Variants in SERPINB4 observed in about 807,000 individuals in gnomAD.
SERPINB4 encodes serpin family B member 4.
Under a neutral mutation model 33.2 loss-of-function variants are expected in SERPINB4, and 39 were observed. The ratio of observed to expected loss-of-function variants is 1.18; its 90% CI spans 0.91 to 1.53. SERPINB4 has a LOEUF of 1.53. Ranked by LOEUF, SERPINB4 falls within the 40% of genes most tolerant of loss-of-function variation. The pLI is 0.00. For synonymous variants in SERPINB4, 191 were observed against 166.4 expected (o/e 1.15, Z -1.14); for missense variants, 564 against 455.4 (o/e 1.24, Z -2.17).
At chr18:63,638,562 C>T (rs1233002729) in intron 7 of SERPINB4, among the ~76,000 whole-genome samples, 3 of 151,698 alleles carry the variant, frequency 2.0e-5, no homozygotes, top group African/African-American at 7.3e-5. Context: ...AATTGTAATT[C>T]CCTAAATTCC....
chr18:63,639,469 T>C, intron 6 of SERPINB4, 129 bp from the exon 7 acceptor site: 34 of 1,094,944 alleles, frequency 3.1e-5, no homozygotes, highest in Non-Finnish European at 4.1e-5. Flanking sequence ...TTAGAAACAA[T>C]AGTTTTTCAG....
At chr18:63,639,594 A>G (rs368097477) in intron 6 of SERPINB4, 40 bp downstream of exon 6, 32 of 1,302,968 alleles carry the variant, frequency 2.5e-5, no homozygotes, top group Non-Finnish European at 2.7e-5. Context: ...CATTCCATGT[A>G]TTAACATATT....
rs1324988685 is a variant in SERPINB4 at position 63,641,788 on chromosome 18, A to G, written c.323T>C (p.Phe108Ser). ...TAAAAATTGATACGTCTTTTCTCCG[A>G]AGAGCTTGTTGGCGATCTTCAGCTC... ...AYELKIANKL[F>S]GEKTYQFLQE... The change falls in exon 4 of 8, where the codon TTC becomes TCC. Residue 108 changes from phenylalanine (F) to serine (S), a missense_variant. Phe to Ser is a radical substitution (Grantham distance 155, BLOSUM62 -2). Coordinates refer to ENST00000341074, the MANE Select transcript of SERPINB4 (RefSeq NM_002974.4). The G allele has an allele frequency of 1.2e-6, 2 of 1,613,310 alleles. No homozygotes were observed. The highest frequency in any genetic ancestry group is 2.7e-5 in the African/African-American group (2 of 74,870).
rs1913063818 is a variant in SERPINB4, at chr18:63,639,739, GC to G, written c.506del (p.Gly169AlafsTer9). ...TCACAAGAACCAGTGTCGTATCATT[GC>G]CAATAGTCCCATCAGGAAATAGGTT... ...IKNLFPDGTI[G>X]NDTTLVLVNA... is the part of the protein sequence containing the mutation. On this transcript the variant is annotated frameshift_variant, in exon 6 of 8. Coordinates refer to ENST00000341074, the MANE Select transcript of SERPINB4 (RefSeq NM_002974.4). LOFTEE classifies it high-confidence loss of function. 1 of 1,611,412 alleles carries G rather than the reference GC, an allele frequency of 6.2e-7. No individual in the cohort carries two copies. Among genetic ancestry groups the G allele is most frequent in the African/African-American group, 1.3e-5 (1 of 74,770 alleles).
Position 63,642,991 on chromosome 18 carries a change from T to G in SERPINB4, c.222+170A>C, listed in dbSNP as rs139588541. On this transcript the variant is annotated intron_variant, in intron 3 of 7. Coordinates refer to ENST00000341074, the MANE Select transcript of SERPINB4 (RefSeq NM_002974.4). ...TGACTGTCTTTTAGTAACGCAGAAA[T>G]GAGGAATAATAATTATGTGCCATGA... The G allele has an allele frequency of 1.5e-3, 1,135 of 738,520 alleles. 8 individuals carry two copies. Among genetic ancestry groups the G allele is most frequent in the African/African-American group, 0.014 (791 of 56,354 alleles). 45.7% of individuals were successfully genotyped at this position (738,520 alleles called of 1,614,324 possible). A position where few individuals can be genotyped will look rare whatever the true frequency, so the allele number is the denominator to read the frequency against.
At chr18:63,638,289 A>G (rs901586459) in intron 7 of SERPINB4, among the ~76,000 whole-genome samples, 166 bp from the exon 8 acceptor site, 1 of 152,090 alleles carries the variant, frequency 6.6e-6, no homozygotes, top group African/African-American at 2.4e-5. Flanking sequence ...ATGAGTCCTG[A>G]ATATATAAAT....
chr18:63,639,319 T>C lies in SERPINB4; in HGVS notation c.634A>G (p.Met212Val), dbSNP rs1475674663. Residue 212 changes from methionine to valine, a missense_variant, in exon 7 of 8, where the codon ATG becomes GTG. Coordinates refer to ENST00000341074, the MANE Select transcript of SERPINB4 (RefSeq NM_002974.4). ...PNKNTYKSVQ[M>V]MRQYNSFNFA... ...TTAAAGGAATTGTATTGCCTCATCATCTGTACAGATTTGTATGTATTCTGC... is the reference window on the plus strand; with the variant it reads ...TTAAAGGAATTGTATTGCCTCATCACCTGTACAGATTTGTATGTATTCTGC... 1.9e-6 allele frequency: 3 copies of C among 1,611,588 alleles called. No homozygotes were observed. The highest frequency in any genetic ancestry group is 1.3e-5 in the African/African-American group (1 of 74,832).
At chr18:63,641,055 T>A (rs1913113874) in intron 4 of SERPINB4, 64 bp from the exon 5 acceptor site, 1 of 1,373,060 alleles carries the variant, frequency 7.3e-7, no homozygotes, top group Non-Finnish European at 1.0e-6. Flanking sequence ...ATTACCAAAC[T>A]TACTTATTTG....
intron 2 of SERPINB4, 54 bp downstream of exon 2, chr18:63,643,359 C>G: frequency 6.2e-7 from 1 of 1,611,250 alleles, no homozygotes; most frequent in Non-Finnish European, 8.5e-7. Flanking sequence ...GCGTGCTAGC[C>G]GACGGAACCA....
Position 63,637,620 on chromosome 18 carries a change from A to G in SERPINB4, c.*99T>C. On this transcript the variant is annotated 3_prime_UTR_variant, in exon 8 of 8. Coordinates refer to ENST00000341074, the MANE Select transcript of SERPINB4 (RefSeq NM_002974.4). ...CTATCATCATCAAGATGAGATAGAA[A>G]AGAAATATGAGCCAAGAGAATCTGT... is the stretch of plus-strand genomic sequence containing the variant. 7.9e-7 allele frequency: 1 copy of G among 1,262,014 alleles called. No homozygotes were observed. Among genetic ancestry groups the G allele is most frequent in the Non-Finnish European group, 1.1e-6 (1 of 913,246 alleles). The allele number at this position is 1,262,014 out of a possible 1,614,324, so 78.2% of individuals were successfully genotyped here. A position where few individuals can be genotyped will look rare whatever the true frequency, so the allele number is the denominator to read the frequency against.
At chr18:63,640,757 C>G in intron 5 of SERPINB4, 117 bp downstream of exon 5, 1 of 813,662 alleles carries the variant, frequency 1.2e-6, no homozygotes. Flanking sequence ...GTGCCCTCTT[C>G]AGCCCTCCCT....
chr18:63,637,866 T>G lies in SERPINB4; in HGVS notation c.1026A>C (p.Glu342Asp). The G allele has an allele frequency of 6.2e-7, 1 of 1,613,550 alleles. No homozygotes were observed. Among genetic ancestry groups the G allele is most frequent in the Non-Finnish European group, 8.5e-7 (1 of 1,179,724 alleles). The change falls in exon 8 of 8, where the codon GAA becomes GAC. Residue 342 changes from glutamate (E) to aspartate (D), a missense_variant. Physicochemically the swap from Glu to Asp is conservative, Grantham distance 45. Transcript: ENST00000341074. ...AFVEVTEEGV[E>D]AAAATAVVVV... ...CTACTACAGCGGTGGCAGCTGCAGC[T>G]TCCACTCCCTCCTCAGTGACCTCCA...
At chr18:63,638,812 G>C (rs1181138721) in intron 7 of SERPINB4, among the ~76,000 whole-genome samples, 7 of 112,104 alleles carry the variant, frequency 6.2e-5, no homozygotes, top group Non-Finnish European at 1.2e-4. Flanking sequence ...GGACTGTTGT[G>C]GGGTGGGGGG....
At chr18:63,639,052 A>C (rs1913034802) in intron 7 of SERPINB4, 133 bp downstream of exon 7, 1 of 1,016,276 alleles carries the variant, frequency 9.8e-7, no homozygotes, top group Admixed American at 2.6e-5. Context: ...TATGAAGGTG[A>C]GTCATCATTC....
rs1913043050 is a variant in SERPINB4 at position 63,639,271 on chromosome 18, G to T, written c.682C>A (p.Gln228Lys). The T allele has an allele frequency of 6.2e-7, 1 of 1,612,464 alleles. No homozygotes were observed. Among genetic ancestry groups the T allele is most frequent in the Non-Finnish European group, 8.5e-7 (1 of 1,179,098 alleles). Reference protein sequence around the residue: ...SFNFALLEDVQAKVLEIPYKG... With the variant: ...SFNFALLEDVKAKVLEIPYKG... ...TATGGTATTTCCAGGACCTTGGCCT[G>T]TACATCCTCCAGCAAGGCAAAATTA... The change falls in exon 7 of 8, where the codon CAG becomes AAG. Residue 228 changes from glutamine (Q) to lysine (K), a missense_variant. Physicochemically the swap from Gln to Lys is moderately conservative, Grantham distance 53. Transcript: ENST00000341074.
chr18:63,637,904 G>T lies in SERPINB4; in HGVS notation c.988C>A (p.His330Asn). The change falls in exon 8 of 8, where the codon CAC (histidine) becomes AAC (asparagine). Residue 330 changes from histidine to asparagine, a missense_variant. By Grantham distance (68) the His-to-Asn change is moderately conservative. Transcript: ENST00000341074. ...SHGLSVSKVLHKAFVEVTEEG... is the reference protein window; with the variant it reads ...SHGLSVSKVLNKAFVEVTEEG... ...TCAGTGACCTCCACAAAGGCCTTGT[G>T]TAGGACTTTAGATACTGAGAGACCG... The T allele has an allele frequency of 6.2e-7, 1 of 1,613,586 alleles. No homozygotes were observed. The highest frequency in any genetic ancestry group is 8.5e-7 in the Non-Finnish European group (1 of 1,179,728).
rs1308090072 is a variant in SERPINB4 at position 63,643,563 on chromosome 18, A to G, written c.15T>C (p.Ser5=). 5.0e-6 allele frequency: 8 copies of G among 1,613,542 alleles called. No homozygotes were observed. Among genetic ancestry groups the G allele is most frequent in the Non-Finnish European group, 5.9e-6 (7 of 1,179,612 alleles). MNSL[S]EANTKFMFDL... Reference sequence around the variant, plus strand: ...CGAACATGAACTTGGTGTTGGCTTCACTGAGTGAATTCATGGTGAACTCGA... The same window carrying G: ...CGAACATGAACTTGGTGTTGGCTTCGCTGAGTGAATTCATGGTGAACTCGA... The change falls in exon 2 of 8, where the codon AGT becomes AGC. Residue 5 remains serine, a synonymous_variant. Coordinates refer to ENST00000341074, the MANE Select transcript of SERPINB4 (RefSeq NM_002974.4).
chr18:63,641,852 T>G lies in SERPINB4; in HGVS notation c.259A>C (p.Lys87Gln). The G allele has an allele frequency of 6.2e-7, 1 of 1,613,368 alleles. No homozygotes were observed. The highest frequency in any genetic ancestry group is 8.5e-7 in the Non-Finnish European group (1 of 1,179,508). Reference protein sequence around the residue: ...RSGNVHHQFQKLLTEFNKSTD... With the variant: ...RSGNVHHQFQQLLTEFNKSTD... ...GATTTGTTGAATTCAGTCAGAAGCTTTTGAAACTGGTGATGAACATTTCCT... is the reference window on the plus strand; with the variant it reads ...GATTTGTTGAATTCAGTCAGAAGCTGTTGAAACTGGTGATGAACATTTCCT... Residue 87 changes from lysine (K) to glutamine (Q), a missense_variant, in exon 4 of 8, where the codon AAG (lysine) becomes CAG (glutamine). By Grantham distance (53) the Lys-to-Gln change is moderately conservative (BLOSUM62 1). Transcript: ENST00000341074.
At chr18:63,639,881 C>A in intron 5 of SERPINB4, 105 bp from the exon 6 acceptor site, 2 of 1,092,282 alleles carry the variant, frequency 1.8e-6, no homozygotes, top group South Asian at 3.2e-5. Context: ...TGACCCAAAT[C>A]CCTGCTTGAG....
Sources: gnomAD v4.1 joint callset for allele counts (sites outside exome capture counted in the v4.1 genomes callset) on GRCh38, gnomAD v4.1.1 for gene constraint, MANE v1.5 for transcripts, NCBI Gene and HGNC (gene_info 2026-07-23, HGNC 2026-07-21) for gene names.